Variants in TFDP2 observed in about 807,000 individuals in gnomAD.
TFDP2 encodes transcription factor Dp-2 (E2F dimerization partner 2).
A neutral mutation model predicts 59.3 loss-of-function variants in TFDP2; 17 were observed. That is an observed-to-expected ratio of 0.29 (90% CI 0.20 to 0.43). The LOEUF (loss-of-function observed/expected upper bound fraction) is 0.43. Among genes scored for constraint, TFDP2 ranks in the 20% least tolerant of loss-of-function variants. The pLI is 1.00. For missense variants in TFDP2, 391 were observed against 528.8 expected, an observed-to-expected ratio of 0.74 and a Z score of 2.56; for synonymous variants, 180 against 194.7, an observed-to-expected ratio of 0.92 and a Z score of 0.63.
At chr3:142,035,689 G>C (rs577221155) in intron 3 of TFDP2, among the ~76,000 whole-genome samples, 1 of 152,286 alleles carries the variant, frequency 6.6e-6, no homozygotes, top group South Asian at 2.1e-4. Flanking sequence ...GAATCATGGG[G>C]GCAGGTCTTT....
At position 141,952,562 on chromosome 3, in the gene TFDP2, T is replaced by C. The variant is rs1441751325; in HGVS notation, c.1292A>G (p.Asn431Ser). The change falls in exon 13 of 13, where the codon AAT becomes AGT. Residue 431 changes from asparagine (N) to serine (S), a missense_variant. Asn to Ser is a conservative substitution (Grantham distance 46). Transcript: ENST00000489671. ...ESRGETPCSF[N>S]DEDEEDDEED... ...CTCATCATCTTCCTCATCTTCATCA[T>C]TGAACGAACAGGGGGTCTCGCCTCG... 1.7e-5 allele frequency: 27 copies of C among 1,562,878 alleles called. No individual in the cohort carries two copies. The highest frequency in any genetic ancestry group is 2.2e-5 in the Non-Finnish European group (26 of 1,164,752).
chr3:142,017,701 T>C (rs1478741539), intron 3 of TFDP2, among the ~76,000 whole-genome samples: 2 of 149,818 alleles, frequency 1.3e-5, no homozygotes, highest in East Asian at 2.0e-4. Context: ...TACAGGCACA[T>C]GCCACCATGC....
chr3:142,000,353 T>A (rs530507563), intron 4 of TFDP2: 2 of 702,378 alleles, frequency 2.8e-6, no homozygotes, highest in Non-Finnish European at 5.2e-6. Flanking sequence ...TCTGGTTGCA[T>A]CCTAATAGCA....
chr3:142,113,406 G>A (rs970148286), intron 1 of TFDP2, among the ~76,000 whole-genome samples: 8 of 152,120 alleles, frequency 5.3e-5, no homozygotes, highest in Non-Finnish European at 1.0e-4. Flanking sequence ...CTACAGGCAT[G>A]TGCCACCACA....
intron 1 of TFDP2, among the ~76,000 whole-genome samples, chr3:142,115,843 A>G (rs913980243): frequency 1.3e-5 from 2 of 152,164 alleles, no homozygotes; most frequent in South Asian, 4.1e-4. Context: ...ATACGAATCT[A>G]TACATCTAAT....
chr3:141,960,271 A>G (rs1937194591), intron 10 of TFDP2, among the ~76,000 whole-genome samples: 1 of 152,244 alleles, frequency 6.6e-6, no homozygotes, highest in South Asian at 2.1e-4. Context: ...GTCAAATGTT[A>G]GCTACAGCCT....
At chr3:142,084,923 T>C (rs1387829130) in intron 3 of TFDP2, among the ~76,000 whole-genome samples, 1 of 152,114 alleles carries the variant, frequency 6.6e-6, no homozygotes, top group Non-Finnish European at 1.5e-5. Context: ...TAGATTTTTT[T>C]ATTTTTATTT....
At position 142,121,558 on chromosome 3, in the gene TFDP2, G is replaced by C. The variant is rs765434473; in HGVS notation, c.-92-19717C>G. ...AACACAGAAACCTAAGCACTTTACGGTCAATCCAACTATTGTATTAAACCA... is the reference window on the plus strand; with the variant it reads ...AACACAGAAACCTAAGCACTTTACGCTCAATCCAACTATTGTATTAAACCA... On this transcript the variant is annotated intron_variant, in intron 1 of 12. Transcript: ENST00000489671. The surrounding 1 kb of genome is among the most constrained non-coding windows in gnomAD (Gnocchi z 4.3). Among the ~76,000 whole-genome samples, 1 of 152,126 alleles carries C rather than the reference G, an allele frequency of 6.6e-6. No homozygotes were observed. The highest frequency in any genetic ancestry group is 2.4e-5 in the African/African-American group (1 of 41,434).
At chr3:142,025,851 C>T (rs1016987685) in intron 3 of TFDP2, among the ~76,000 whole-genome samples, 8 of 152,208 alleles carry the variant, frequency 5.3e-5, no homozygotes, top group African/African-American at 1.9e-4. Flanking sequence ...GTAATCCCAG[C>T]TACTTGGGGG....
At chr3:142,061,923 C>CT (rs1345141878) in intron 3 of TFDP2, among the ~76,000 whole-genome samples, 8 of 150,392 alleles carry the variant, frequency 5.3e-5, no homozygotes, top group Admixed American at 2.0e-4. Context: ...CACACACACA[C>CT]ACACACACAC....
At position 141,952,966 on chromosome 3, in the gene TFDP2, T is replaced by C. The variant is rs748643631; in HGVS notation, c.1102A>G (p.Thr368Ala). The part of the protein sequence containing the change: ...WLNQGLLLNS[T>A]QSVSNLDLTT... ...AGGTCTAAATTTGAAACTGATTGGG[T>C]AGAGTTCAGAAGTAGTCCCTGATTT... The change falls in exon 12 of 13, where the codon ACC (threonine) becomes GCC (alanine). Residue 368 changes from threonine to alanine, a missense_variant. By Grantham distance (58) the Thr-to-Ala change is moderately conservative (BLOSUM62 0). Transcript: ENST00000489671. 3 of 1,614,014 alleles carry C rather than the reference T, an allele frequency of 1.9e-6. No homozygotes were observed. The highest frequency in any genetic ancestry group is 2.5e-6 in the Non-Finnish European group (3 of 1,179,992).
At chr3:142,065,095 T>G (rs375252325) in intron 3 of TFDP2, among the ~76,000 whole-genome samples, 1 of 152,180 alleles carries the variant, frequency 6.6e-6, no homozygotes, top group African/African-American at 2.4e-5. Flanking sequence ...CTCGCTGGGA[T>G]GAACTGGTCA....
intron 3 of TFDP2, among the ~76,000 whole-genome samples, chr3:142,056,938 C>T (rs569057378): frequency 1.3e-5 from 2 of 152,338 alleles, no homozygotes; most frequent in African/African-American, 2.4e-5. Flanking sequence ...ATTGCTGATC[C>T]TCAGAAACCA....
chr3:142,033,328 C>G (rs1946527229), intron 3 of TFDP2, among the ~76,000 whole-genome samples: 1 of 152,204 alleles, frequency 6.6e-6, no homozygotes, highest in African/African-American at 2.4e-5. Context: ...TAGAACATTT[C>G]CATCACTGAA....
intron 3 of TFDP2, among the ~76,000 whole-genome samples, chr3:142,041,460 T>G (rs1273455742): frequency 1.3e-5 from 2 of 152,212 alleles, no homozygotes; most frequent in Admixed American, 1.3e-4. Flanking sequence ...CAAGATCTGA[T>G]GGTTTTATAA....
intron 3 of TFDP2, among the ~76,000 whole-genome samples, chr3:142,074,736 C>T (rs535288699): frequency 2.6e-5 from 4 of 152,188 alleles, no homozygotes; most frequent in African/African-American, 9.6e-5. Flanking sequence ...CCTGCAATCC[C>T]GGCTACTCGG....
intron 3 of TFDP2, among the ~76,000 whole-genome samples, chr3:142,039,920 C>T (rs191679722): frequency 1.8e-3 from 277 of 152,268 alleles, no homozygotes; most frequent in Admixed American, 5.2e-3. Flanking sequence ...GTACACTGAA[C>T]ATAATGATAC....
chr3:142,129,470 T>G (rs546236809), intron 1 of TFDP2, among the ~76,000 whole-genome samples: 2 of 151,828 alleles, frequency 1.3e-5, no homozygotes, highest in East Asian at 3.9e-4. Context: ...AATGAAAAAT[T>G]TGAAATTCCA....
intron 3 of TFDP2, among the ~76,000 whole-genome samples, chr3:142,080,530 C>G (rs1182746297): frequency 2.0e-5 from 3 of 152,138 alleles, no homozygotes; most frequent in Non-Finnish European, 4.4e-5. Flanking sequence ...ACGGACTCAA[C>G]TCTCCAATCA....
Sources: gnomAD v4.1 joint callset for allele counts (sites outside exome capture counted in the v4.1 genomes callset) on GRCh38, gnomAD v4.1.1 for gene constraint, Gnocchi (gnomAD v3.1) non-coding constraint, MANE v1.5 for transcripts, NCBI Gene and HGNC (gene_info 2026-07-23, HGNC 2026-07-21) for gene names.